Variants in PCDH11X observed in about 807,000 individuals in gnomAD.
PCDH11X encodes the protein protocadherin-11 X-linked.
PCDH11X carries 18 observed loss-of-function variants against 53.3 expected under a neutral mutation model. The ratio of observed to expected loss-of-function variants is 0.34; its 90% CI spans 0.23 to 0.50. PCDH11X has a LOEUF of 0.50. Among genes scored for constraint, PCDH11X ranks in the 20% least tolerant of loss-of-function variants. The probability of loss-of-function intolerance (pLI) is 0.98; values close to 1 mark genes in which losing one functional copy is unlikely to be tolerated. For synonymous variants in PCDH11X, 279 were observed against 393.3 expected, an observed-to-expected ratio of 0.71 and a Z score of 3.44; for missense variants, 570 against 1,032.4, an observed-to-expected ratio of 0.55 and a Z score of 6.14.
chrX:91,939,842 A>C lies in PCDH11X; in HGVS notation c.3033+60569A>C, dbSNP rs773840867. ...CCGGCCCACGGAAATGCTGAAGTCC[A>C]TCAGGCAGGGAAAAATAAAACACCA... On this transcript the variant is annotated intron_variant, in intron 6 of 10. Transcript: ENST00000682573. Among the ~76,000 whole-genome samples, 5 of 111,625 alleles carry C rather than the reference A, an allele frequency of 4.5e-5. No individual in the cohort carries two copies. In the South Asian group the frequency reaches 1.5e-3, roughly 33 times the overall value.
intron 4 of PCDH11X, among the ~76,000 whole-genome samples, chrX:91,822,712 C>T (rs1374421672): frequency 9.2e-6 from 1 of 109,163 alleles, no homozygotes; most frequent in African/African-American, 3.4e-5. Context: ...TTGCCTTCTG[C>T]TAGCTTTTGA....
chrX:91,918,193 G>A (rs989377196), intron 6 of PCDH11X, among the ~76,000 whole-genome samples: 1 of 110,056 alleles, frequency 9.1e-6, no homozygotes, highest in Non-Finnish European at 1.9e-5. Flanking sequence ...CAGAAGTTTA[G>A]GCAGGCTTGG....
At chrX:92,317,172 AC>A (rs1377654881) in intron 8 of PCDH11X, among the ~76,000 whole-genome samples, 21 of 33,917 alleles carry the variant, frequency 6.2e-4, no homozygotes, top group Admixed American at 1.4e-3. Context: ...GTCCCCTCCC[AC>A]CCCCCCATCC....
chrX:92,268,416 C>A (rs901546913), intron 8 of PCDH11X, among the ~76,000 whole-genome samples: 1 of 110,689 alleles, frequency 9.0e-6, no homozygotes, highest in African/African-American at 3.3e-5. Flanking sequence ...CTCAGCCTCC[C>A]GAGTAGCTGG....
intron 10 of PCDH11X, among the ~76,000 whole-genome samples, chrX:92,487,048 C>CTTTTTTTTTTTTT (rs758641899): frequency 2.9e-5 from 2 of 67,819 alleles, no homozygotes; most frequent in African/African-American, 1.3e-4. Flanking sequence ...AATATGCTTC[C>CTTTTTTTTTTTTT]TTTTTTTTTT....
At chrX:92,177,693 A>G (rs1011012508) in intron 6 of PCDH11X, among the ~76,000 whole-genome samples, 13 of 111,621 alleles carry the variant, frequency 1.2e-4, no homozygotes, top group Admixed American at 1.9e-4. Flanking sequence ...CAATATTCAG[A>G]CAAAACCTAG....
intron 6 of PCDH11X, among the ~76,000 whole-genome samples, chrX:92,009,700 CTTTTTTTTTTT>C (rs68159170): frequency 3.0e-5 from 2 of 66,642 alleles, no homozygotes; most frequent in Admixed American, 4.3e-4. Flanking sequence ...TGACTGTTGC[CTTTTTTTTTTT>C]TTTTTTTTTT....
chrX:91,810,223 AG>A (rs1417734758), intron 2 of PCDH11X, among the ~76,000 whole-genome samples: 1 of 111,041 alleles, frequency 9.0e-6, no homozygotes, highest in Non-Finnish European at 1.9e-5. Flanking sequence ...CCAAAGTATC[AG>A]GGATTTTTTG....
chrX:92,399,395 A>G (rs2071332879), intron 9 of PCDH11X, among the ~76,000 whole-genome samples: 1 of 110,359 alleles, frequency 9.1e-6, no homozygotes, highest in Non-Finnish European at 1.9e-5. Flanking sequence ...GCAAAGTTCT[A>G]ACAAATGTGC....
chrX:92,265,090 G>A (rs185994467), intron 8 of PCDH11X, among the ~76,000 whole-genome samples: 1 of 109,180 alleles, frequency 9.2e-6, no homozygotes, highest in Non-Finnish European at 1.9e-5. Context: ...GTAGGGGATG[G>A]GGTCTCGCTC....
chrX:92,088,963 T>C (rs1372357562), intron 6 of PCDH11X, among the ~76,000 whole-genome samples: 1 of 109,312 alleles, frequency 9.1e-6, no homozygotes, highest in Non-Finnish European at 1.9e-5. Context: ...ATAAGTTGTT[T>C]AACTCTAGGG....
chrX:92,485,307 A>G (rs779355834), intron 10 of PCDH11X, among the ~76,000 whole-genome samples: 1 of 111,214 alleles, frequency 9.0e-6, no homozygotes, highest in South Asian at 3.7e-4. Context: ...ATAATGATGT[A>G]GGAAAATATC....
At chrX:92,202,180 C>G (rs1269902399) in intron 7 of PCDH11X, among the ~76,000 whole-genome samples, 4 of 111,466 alleles carry the variant, frequency 3.6e-5, no homozygotes, top group African/African-American at 9.8e-5. Context: ...GATGGGCTCT[C>G]CACCTGCACA....
intron 6 of PCDH11X, among the ~76,000 whole-genome samples, chrX:91,995,951 G>T (rs1292563621): frequency 9.5e-6 from 1 of 105,142 alleles, no homozygotes; most frequent in African/African-American, 3.5e-5. Context: ...CCAGGTCCAT[G>T]CCATTCTCCT....
At chrX:92,302,161 C>T (rs1446734973) in intron 8 of PCDH11X, among the ~76,000 whole-genome samples, 1 of 111,307 alleles carries the variant, frequency 9.0e-6, no homozygotes, top group African/African-American at 3.3e-5. Flanking sequence ...AACTTAGCCT[C>T]GACAACAGGA....
In PCDH11X at chrX:92,441,905, A is replaced by T. The variant is rs770496491; in HGVS notation, c.3344-26394A>T. ...ACACCAGCCCACGAAAGCAGTTGGG[A>T]GGGATGCTGTACCCTGCCAAGTCAC... is the stretch of plus-strand genomic sequence containing the variant. On this transcript the variant is annotated intron_variant, in intron 9 of 10. Transcript: ENST00000682573. Among the ~76,000 whole-genome samples the T allele has an allele frequency of 2.7e-5, 3 of 110,154 alleles. No homozygotes were observed. In the South Asian group the frequency reaches 1.2e-3, roughly 44 times the overall value.
At chrX:91,887,305 T>C (rs1467100084) in intron 6 of PCDH11X, among the ~76,000 whole-genome samples, 1 of 111,383 alleles carries the variant, frequency 9.0e-6, no homozygotes, top group Non-Finnish European at 1.9e-5. Context: ...TCTTGGCTTT[T>C]ATGAAGCTTA....
intron 4 of PCDH11X, among the ~76,000 whole-genome samples, chrX:91,826,914 G>T (rs1214966303): frequency 9.3e-6 from 1 of 107,026 alleles, no homozygotes; most frequent in Non-Finnish European, 1.9e-5. Flanking sequence ...GAATAGTGCT[G>T]CAGTGAACAT....
chrX:92,543,845 A>G (rs1406488444), intron 10 of PCDH11X, among the ~76,000 whole-genome samples: 4 of 109,603 alleles, frequency 3.6e-5, no homozygotes, highest in Non-Finnish European at 7.6e-5. Flanking sequence ...TACTCAAACA[A>G]TCTAAAGGAA....
Sources: allele counts gnomAD v4.1 joint callset (sites outside exome capture counted in the v4.1 genomes callset), GRCh38; gene constraint gnomAD v4.1.1; transcripts MANE v1.5; gene names NCBI Gene and HGNC (gene_info 2026-07-23, HGNC 2026-07-21).